DLG2: variants seen among roughly 807,000 people sequenced by gnomAD.
DLG2 encodes disks large homolog 2.
A neutral mutation model predicts 132.5 loss-of-function variants in DLG2; 45 were observed. The observed-to-expected ratio is 0.34, with a 90% CI of 0.27 to 0.44. DLG2 has a LOEUF of 0.44. Among genes scored for constraint, DLG2 ranks in the 20% least tolerant of loss-of-function variants. The pLI is 1.00. For synonymous variants in DLG2, 424 were observed against 419.6 expected (o/e 1.01, Z -0.13); for missense variants, 1,045 against 1,196.9 (o/e 0.87, Z 1.87).
chr11:85,049,556 T>G (rs1389107931), intron 6 of DLG2, among the ~76,000 whole-genome samples: 1 of 152,090 alleles, frequency 6.6e-6, no homozygotes, highest in Non-Finnish European at 1.5e-5. Flanking sequence ...ATGCCAGTAA[T>G]TATCTGCACT....
At chr11:85,184,554 A>G (rs1216846856) in intron 4 of DLG2, among the ~76,000 whole-genome samples, 2 of 151,836 alleles carry the variant, frequency 1.3e-5, no homozygotes, top group East Asian at 3.9e-4. Flanking sequence ...ATGCTTGGAG[A>G]TATAACTGTT....
At chr11:84,783,555 C>T (rs2072225337) in intron 6 of DLG2, among the ~76,000 whole-genome samples, 1 of 152,140 alleles carries the variant, frequency 6.6e-6, no homozygotes, top group Non-Finnish European at 1.5e-5. Context: ...TCTGCGGTCT[C>T]ATGGCATCTA....
At chr11:84,826,701 G>C (rs2078369031) in intron 6 of DLG2, among the ~76,000 whole-genome samples, 1 of 151,646 alleles carries the variant, frequency 6.6e-6, no homozygotes, top group South Asian at 2.1e-4. Context: ...GAACTTGATT[G>C]CATAGAGGGC....
intron 7 of DLG2, among the ~76,000 whole-genome samples, chr11:84,487,903 GA>G (rs2099155008): frequency 6.6e-6 from 1 of 152,064 alleles, no homozygotes; most frequent in Non-Finnish European, 1.5e-5. Flanking sequence ...AATACGGAAG[GA>G]AAAAGCACCT....
intron 6 of DLG2, among the ~76,000 whole-genome samples, chr11:84,673,615 A>AG (rs2099708314): frequency 1.3e-5 from 2 of 150,998 alleles, no homozygotes; most frequent in African/African-American, 4.8e-5. Context: ...AAAAAAAAAA[A>AG]AATTAAAATA....
At chr11:83,860,879 T>C (rs1319686537) in intron 16 of DLG2, among the ~76,000 whole-genome samples, 1 of 152,172 alleles carries the variant, frequency 6.6e-6, no homozygotes, top group Non-Finnish European at 1.5e-5. Flanking sequence ...ATAAGTCTCA[T>C]GAGATCTGAT....
At chr11:84,927,944 T>C (rs1181062912) in intron 6 of DLG2, among the ~76,000 whole-genome samples, 1 of 151,942 alleles carries the variant, frequency 6.6e-6, no homozygotes, top group Non-Finnish European at 1.5e-5. Flanking sequence ...GTATCTGTGT[T>C]AACAAGCCCT....
At chr11:85,398,204 G>C (rs549926547) in intron 3 of DLG2, among the ~76,000 whole-genome samples, 1 of 152,220 alleles carries the variant, frequency 6.6e-6, no homozygotes, top group African/African-American at 2.4e-5. Flanking sequence ...AATGAAGGCA[G>C]AAATAAAGAT....
intron 6 of DLG2, among the ~76,000 whole-genome samples, chr11:84,756,542 T>TC (rs2066897463): frequency 6.6e-6 from 1 of 152,170 alleles, no homozygotes; most frequent in East Asian, 1.9e-4. Context: ...TTGCTTAAAA[T>TC]TTCCAGAAAA....
chr11:85,428,773 A>C (rs2090959449), intron 3 of DLG2, among the ~76,000 whole-genome samples: 1 of 152,356 alleles, frequency 6.6e-6, no homozygotes, highest in Middle Eastern at 3.4e-3. Flanking sequence ...GAAATAACTA[A>C]GATCAGAGCA....
At chr11:83,886,271 G>A (rs1395922773) in intron 15 of DLG2, among the ~76,000 whole-genome samples, 3 of 151,848 alleles carry the variant, frequency 2.0e-5, no homozygotes, top group African/African-American at 7.3e-5. Flanking sequence ...AAGCAAATGG[G>A]AAACAAAAAA....
intron 15 of DLG2, among the ~76,000 whole-genome samples, chr11:83,912,149 TGTC>T (rs1373488051): frequency 8.6e-6 from 1 of 116,256 alleles, no homozygotes; most frequent in African/African-American, 3.4e-5. Flanking sequence ...AAAATAAAAA[TGTC>T]ATCAAAATTA....
intron 11 of DLG2, among the ~76,000 whole-genome samples, chr11:83,989,497 A>G (rs2093578795): frequency 6.6e-6 from 1 of 152,196 alleles, no homozygotes; most frequent in Non-Finnish European, 1.5e-5. Flanking sequence ...TATTGCTACC[A>G]GCATTATGTG....
chr11:85,064,975 T>C (rs1014705643), intron 6 of DLG2, among the ~76,000 whole-genome samples: 2 of 151,590 alleles, frequency 1.3e-5, no homozygotes, highest in South Asian at 2.1e-4. Flanking sequence ...AAAGTACCGA[T>C]ATAGGTACTT....
At chr11:83,834,700 T>C (rs1426575472) in intron 16 of DLG2, among the ~76,000 whole-genome samples, 1 of 152,180 alleles carries the variant, frequency 6.6e-6, no homozygotes, top group Non-Finnish European at 1.5e-5. Flanking sequence ...GGATCATCAA[T>C]AAAAAGGTCA....
chr11:83,564,883 A>G (rs2143003891), intron 19 of DLG2, among the ~76,000 whole-genome samples: 2 of 152,324 alleles, frequency 1.3e-5, no homozygotes, highest in Middle Eastern at 6.8e-3. Flanking sequence ...GGATCAAGGA[A>G]GGGGATTTGC....
At chr11:83,503,837 G>T (rs1003421406) in intron 21 of DLG2, among the ~76,000 whole-genome samples, 1 of 152,004 alleles carries the variant, frequency 6.6e-6, no homozygotes, top group African/African-American at 2.4e-5. Flanking sequence ...TTGACACTCA[G>T]TATTAACCAT....
chr11:85,518,128 T>C (rs557950350), intron 3 of DLG2, among the ~76,000 whole-genome samples: 4 of 152,262 alleles, frequency 2.6e-5, no homozygotes, highest in Admixed American at 6.5e-5. Context: ...TAGAGTAAAT[T>C]GATACCAGCA....
At chr11:84,144,940 G>A (rs1208533090) in intron 9 of DLG2, among the ~76,000 whole-genome samples, 10 of 152,154 alleles carry the variant, frequency 6.6e-5, no homozygotes, top group Admixed American at 6.5e-4. Flanking sequence ...CTGTAATCTA[G>A]TGACCCAGGT....
Sources: gnomAD v4.1 joint callset for allele counts (sites outside exome capture counted in the v4.1 genomes callset) on GRCh38, gnomAD v4.1.1 for gene constraint, MANE v1.5 for transcripts, NCBI Gene and HGNC (gene_info 2026-07-23, HGNC 2026-07-21) for gene names.